The following KALRN variants were observed in gnomAD, a reference collection of about 807,000 sequenced individuals.
KALRN encodes kalirin RhoGEF kinase.
Under a neutral mutation model 353.7 loss-of-function variants are expected in KALRN, and 70 were observed. The observed-to-expected ratio is 0.20, with a 90% CI of 0.16 to 0.24. KALRN has a LOEUF of 0.24. KALRN is among the 10% of genes least tolerant of loss of function. KALRN has a pLI of 1.00. For synonymous variants in KALRN, 1,391 were observed against 1,434.8 expected (o/e 0.97, Z 0.69); for missense variants, 2,791 against 3,756.7 (o/e 0.74, Z 6.72).
At chr3:124,109,370 A>G (rs895981499) in intron 1 of KALRN, among the ~76,000 whole-genome samples, 5 of 151,858 alleles carry the variant, frequency 3.3e-5, no homozygotes, top group African/African-American at 1.2e-4. Flanking sequence ...TCTAATCTGC[A>G]ATTAAATGTG....
At chr3:124,418,220 C>T (rs774791311) in intron 14 of KALRN, among the ~76,000 whole-genome samples, 8 of 151,568 alleles carry the variant, frequency 5.3e-5, no homozygotes, top group Admixed American at 2.0e-4. Context: ...GGGGCTGAGA[C>T]GAAGGGAAGA....
chr3:124,308,599 T>A (rs1580779346), intron 6 of KALRN, among the ~76,000 whole-genome samples: 1 of 151,812 alleles, frequency 6.6e-6, no homozygotes, highest in African/African-American at 2.4e-5. Context: ...AAAAGGAGAA[T>A]TGGAAACTAA....
rs762648353 is a variant in KALRN at position 124,661,818 on chromosome 3, C to A, written c.6268-33C>A. On this transcript the variant is annotated intron_variant, in intron 44 of 59. Coordinates refer to ENST00000682506, the MANE Select transcript of KALRN (RefSeq NM_001388419.1). The stretch of plus-strand genomic sequence containing the variant: ...AGAGCTTCCTGCCTGAGTGCTGTTC[C>A]CCCTCCTGAGTAACAGTTGTTCTTT... 20 of 1,568,416 alleles carry A rather than the reference C, an allele frequency of 1.3e-5. No homozygotes were observed. In the Admixed American group the frequency reaches 3.2e-4, roughly 25 times the overall value.
At position 124,522,859 on chromosome 3, in the gene KALRN, G is replaced by C. The variant is rs146618791; in HGVS notation, c.4935+26446G>C. Among the ~76,000 whole-genome samples, 20 of 152,250 alleles carry C rather than the reference G, an allele frequency of 1.3e-4. No individual in the cohort carries two copies. In the East Asian group the frequency reaches 3.9e-3, roughly 29 times the overall value. On this transcript the variant is annotated intron_variant, in intron 33 of 59. Coordinates refer to ENST00000682506, the MANE Select transcript of KALRN (RefSeq NM_001388419.1). Reference sequence around the variant, plus strand: ...TCAAAGTAGTTATCCTTAAACAGCAGAATCGTTTAAAAATTGGACTATTTT... The same window carrying C: ...TCAAAGTAGTTATCCTTAAACAGCACAATCGTTTAAAAATTGGACTATTTT...
At chr3:124,223,593 T>C (rs1332752992) in intron 1 of KALRN, among the ~76,000 whole-genome samples, 1 of 152,240 alleles carries the variant, frequency 6.6e-6, no homozygotes, top group Non-Finnish European at 1.5e-5. Context: ...CTCTGGCAGC[T>C]TGAACCTCCA....
chr3:124,436,000 C>A (rs188660764), intron 17 of KALRN, among the ~76,000 whole-genome samples: 1 of 152,148 alleles, frequency 6.6e-6, no homozygotes, highest in South Asian at 2.1e-4. Context: ...AAGACAGAAT[C>A]GTATCTGGTA....
intron 1 of KALRN, among the ~76,000 whole-genome samples, chr3:124,115,359 G>A (rs533881857): frequency 1.7e-3 from 259 of 152,306 alleles, no homozygotes; most frequent in Non-Finnish European, 2.7e-3. Flanking sequence ...GCCTTTGGCT[G>A]AGGTCACTTA....
chr3:124,662,990 C>T (rs1244707900), intron 45 of KALRN, among the ~76,000 whole-genome samples: 2 of 151,800 alleles, frequency 1.3e-5, no homozygotes, highest in Non-Finnish European at 2.9e-5. Flanking sequence ...CAGAGTTTTG[C>T]TCTTGTTGCC....
In KALRN at chr3:124,325,997, C is replaced by T; in HGVS notation, c.1110C>T (p.Ile370=). The T allele has an allele frequency of 6.2e-7, 1 of 1,613,120 alleles. No homozygotes were observed. Among genetic ancestry groups the T allele is most frequent in the South Asian group, 1.1e-5 (1 of 90,736 alleles). ...AMNSMNAYVN[I]NRIMSVASRL... ...CTTTCCAGAATGCCTATGTCAACAT[C>T]AACCGCATCATGTCCGTGGCTTCCC... The change falls in exon 7 of 60, where the codon ATC becomes ATT. Residue 370 remains isoleucine (I), a synonymous_variant. Coordinates refer to ENST00000682506, the MANE Select transcript of KALRN (RefSeq NM_001388419.1).
chr3:124,642,371 A>G (rs1320264983), intron 37 of KALRN, among the ~76,000 whole-genome samples: 2 of 152,166 alleles, frequency 1.3e-5, no homozygotes, highest in Admixed American at 6.5e-5. Context: ...TGGGTGGCAC[A>G]CTAGCGTAGT....
At chr3:124,292,760 A>G (rs958764443) in intron 5 of KALRN, among the ~76,000 whole-genome samples, 1 of 152,192 alleles carries the variant, frequency 6.6e-6, no homozygotes, top group Non-Finnish European at 1.5e-5. Flanking sequence ...TTTTTACTAT[A>G]ATGAAAACAT....
intron 34 of KALRN, among the ~76,000 whole-genome samples, chr3:124,622,362 T>G (rs2079376145): frequency 6.6e-6 from 1 of 152,190 alleles, no homozygotes; most frequent in South Asian, 2.1e-4. Flanking sequence ...AGGTATGGTT[T>G]ATATGGAGCA....
At chr3:124,162,840 AATGCATCTTC>A (rs1400332424) in intron 1 of KALRN, 1 of 152,242 alleles carries the variant, frequency 6.6e-6, no homozygotes, top group East Asian at 1.9e-4. Flanking sequence ...AGGATGACTG[AATGCATCTTC>A]ATGTGTAGGA....
chr3:124,501,830 C>T (rs1303000989), intron 33 of KALRN, among the ~76,000 whole-genome samples: 1 of 152,206 alleles, frequency 6.6e-6, no homozygotes, highest in East Asian at 1.9e-4. Context: ...GTTCTCCATG[C>T]TAGGAGTACA....
chr3:124,392,920 A>C (rs2089647995), intron 11 of KALRN, among the ~76,000 whole-genome samples: 1 of 145,112 alleles, frequency 6.9e-6, no homozygotes, highest in African/African-American at 2.6e-5. Flanking sequence ...TATATCTCCC[A>C]ATGCTATCCC....
rs1384138395 is a variant in KALRN, at chr3:124,439,022, G to A, written c.3183G>A (p.Lys1061=). The A allele has an allele frequency of 6.2e-7, 1 of 1,614,124 alleles. No homozygotes were observed. The highest frequency in any genetic ancestry group is 1.3e-5 in the African/African-American group (1 of 75,046). The change falls in exon 18 of 60, where the codon AAG becomes AAA. Residue 1061 remains lysine, a synonymous_variant. Transcript: ENST00000682506. ...IPLISKHLEQ[K]EAFLKACTLA... is the part of the protein sequence containing the mutation. Reference sequence around the variant, plus strand: ...TCATCAGCAAACATTTGGAACAAAAGGAGGCCTTTCTTAAGGTCAGAGCAC... The same window carrying A: ...TCATCAGCAAACATTTGGAACAAAAAGAGGCCTTTCTTAAGGTCAGAGCAC...
At chr3:124,144,502 C>T (rs1202809362) in intron 1 of KALRN, among the ~76,000 whole-genome samples, 1 of 152,052 alleles carries the variant, frequency 6.6e-6, no homozygotes. Flanking sequence ...TCCTCCTCCT[C>T]TTCCTCATTG....
chr3:124,491,284 T>G, intron 30 of KALRN, 39 bp from the exon 31 acceptor site: 2 of 1,015,162 alleles, frequency 2.0e-6, no homozygotes, highest in Non-Finnish European at 2.8e-6. Flanking sequence ...CCCACTGCCC[T>G]CCCCTTCCCC....
intron 33 of KALRN, among the ~76,000 whole-genome samples, chr3:124,498,015 G>C (rs2064063126): frequency 6.6e-6 from 1 of 152,148 alleles, no homozygotes; most frequent in Non-Finnish European, 1.5e-5. Context: ...ATTAATGAGG[G>C]GTCCTAGTAC....
Sources: allele counts gnomAD v4.1 joint callset (sites outside exome capture counted in the v4.1 genomes callset), GRCh38; gene constraint gnomAD v4.1.1; transcripts MANE v1.5; gene names NCBI Gene and HGNC (gene_info 2026-07-23, HGNC 2026-07-21).